GUCY1A2: variants seen among roughly 807,000 people sequenced by gnomAD.
GUCY1A2 encodes the protein guanylate cyclase 1 soluble subunit alpha 2.
A neutral mutation model predicts 63.5 loss-of-function variants in GUCY1A2; 27 were observed. The observed-to-expected ratio is 0.43, with a 90% CI of 0.31 to 0.59. GUCY1A2 has a LOEUF of 0.59. Among genes scored for constraint, GUCY1A2 ranks in the 20% least tolerant of loss-of-function variants. The probability of loss-of-function intolerance (pLI) is 0.11; values close to 1 mark genes in which losing one functional copy is unlikely to be tolerated. For missense variants in GUCY1A2, 768 were observed against 913.3 expected, an observed-to-expected ratio of 0.84 and a Z score of 2.05; for synonymous variants, 364 against 343.5, an observed-to-expected ratio of 1.06 and a Z score of -0.66.
At chr11:106,726,131 C>G (rs1164735331) in intron 6 of GUCY1A2, among the ~76,000 whole-genome samples, 1 of 152,134 alleles carries the variant, frequency 6.6e-6, no homozygotes, top group Non-Finnish European at 1.5e-5. Flanking sequence ...AAAAGCAGAT[C>G]AGGCTGGGCG....
At chr11:106,817,218 A>G (rs949544065) in intron 4 of GUCY1A2, among the ~76,000 whole-genome samples, 1 of 152,088 alleles carries the variant, frequency 6.6e-6, no homozygotes, top group Non-Finnish European at 1.5e-5. Context: ...TCTGGCCCAA[A>G]TTAAACAATC....
intron 4 of GUCY1A2, among the ~76,000 whole-genome samples, chr11:106,838,047 T>G (rs1591296935): frequency 1.3e-5 from 2 of 151,922 alleles, no homozygotes; most frequent in Admixed American, 6.6e-5. Context: ...TTTTCTCCAA[T>G]CCTGCTATGT....
chr11:106,970,984 T>A (rs776393490), intron 3 of GUCY1A2, among the ~76,000 whole-genome samples: 1 of 152,136 alleles, frequency 6.6e-6, no homozygotes, highest in Admixed American at 6.6e-5. Flanking sequence ...ATATACTATA[T>A]GATTACATTT....
At chr11:106,830,767 A>G (rs1434156605) in intron 4 of GUCY1A2, among the ~76,000 whole-genome samples, 1 of 152,164 alleles carries the variant, frequency 6.6e-6, no homozygotes, top group Non-Finnish European at 1.5e-5. Flanking sequence ...CATTTATCCT[A>G]TTAGTTCCGA....
intron 5 of GUCY1A2, among the ~76,000 whole-genome samples, chr11:106,801,535 A>G (rs916512433): frequency 2.6e-5 from 4 of 152,148 alleles, no homozygotes; most frequent in Non-Finnish European, 5.9e-5. Flanking sequence ...AACACTAGCT[A>G]TCTGACACAT....
In GUCY1A2 at chr11:106,880,355, G is replaced by A. The variant is rs559708972; in HGVS notation, c.1206+59105C>T. Among the ~76,000 whole-genome samples the A allele has an allele frequency of 9.2e-5, 14 of 152,106 alleles. No individual in the cohort carries two copies. The South Asian group carries it at 2.7e-3, about 29-fold the overall frequency. On this transcript the variant is annotated intron_variant, in intron 4 of 7. Coordinates refer to ENST00000526355, the MANE Select transcript of GUCY1A2 (RefSeq NM_000855.3). ...ATGGTTGCCACGTGAAGGTTGCCAA[G>A]GGGAGGGTGCTAAGTGAAGACTGCA...
intron 1 of GUCY1A2, among the ~76,000 whole-genome samples, chr11:106,996,169 A>G (rs1317835117): frequency 2.0e-5 from 3 of 152,210 alleles, no homozygotes; most frequent in Admixed American, 2.0e-4. Context: ...ATTGAGCAAT[A>G]GAAGCAACAT....
At chr11:106,799,128 CAGAG>C (rs1240815072) in intron 5 of GUCY1A2, among the ~76,000 whole-genome samples, 1 of 150,216 alleles carries the variant, frequency 6.7e-6, no homozygotes, top group African/African-American at 2.4e-5. Context: ...AACAGAAAAA[CAGAG>C]AGCTCCATTC....
At chr11:106,937,959 CAG>C (rs1860701304) in intron 4 of GUCY1A2, among the ~76,000 whole-genome samples, 1 of 151,660 alleles carries the variant, frequency 6.6e-6, no homozygotes, top group Non-Finnish European at 1.5e-5. Flanking sequence ...TTTTTTGAGA[CAG>C]AGTCTCACTC....
intron 6 of GUCY1A2, among the ~76,000 whole-genome samples, chr11:106,750,480 A>C (rs145315849): frequency 6.2e-4 from 94 of 152,192 alleles, no homozygotes; most frequent in African/African-American, 2.1e-3. Flanking sequence ...TAACCATCAC[A>C]ACAAAACAAA....
At chr11:106,970,582 A>G (rs1591348741) in intron 3 of GUCY1A2, among the ~76,000 whole-genome samples, 1 of 152,292 alleles carries the variant, frequency 6.6e-6, no homozygotes, top group African/African-American at 2.4e-5. Context: ...AATGGAAAAT[A>G]CCAATTTCTG....
rs890511589 is a variant in GUCY1A2, at chr11:106,683,546, C to T, written c.*4003G>A. ...TCAGGCCTGACTGTGTGTGGTCCTTCCTATCCGCCTGAATGAGGCACCAGC... is the reference window on the plus strand; with the variant it reads ...TCAGGCCTGACTGTGTGTGGTCCTTTCTATCCGCCTGAATGAGGCACCAGC... On this transcript the variant is annotated 3_prime_UTR_variant, in exon 8 of 8. Coordinates refer to ENST00000526355, the MANE Select transcript of GUCY1A2 (RefSeq NM_000855.3). 1.3e-5 allele frequency: 3 copies of T among 228,234 alleles called. No individual in the cohort carries two copies. The highest frequency in any genetic ancestry group is 2.6e-5 in the Non-Finnish European group (3 of 114,962). The allele number at this position is 228,234 out of a possible 1,614,324, so 14.1% of individuals were successfully genotyped here.
At chr11:106,717,392 G>A (rs1274178118) in intron 6 of GUCY1A2, among the ~76,000 whole-genome samples, 2 of 152,028 alleles carry the variant, frequency 1.3e-5, no homozygotes, top group Admixed American at 1.3e-4. Flanking sequence ...TATTTCTCAT[G>A]GTGTCAAGGA....
intron 3 of GUCY1A2, among the ~76,000 whole-genome samples, chr11:106,957,735 C>T (rs1861006168): frequency 1.3e-5 from 2 of 151,434 alleles, no homozygotes; most frequent in South Asian, 4.2e-4. Flanking sequence ...ATCTTGGCCC[C>T]GCCTCCAAAA....
chr11:106,799,493 T>C (rs9736183), intron 5 of GUCY1A2, among the ~76,000 whole-genome samples: 139,096 of 152,232 alleles, frequency 0.91, 63,626 homozygotes, highest in East Asian at 1. Context: ...TCAAACTATA[T>C]TACAAGGTGA....
rs567167669 is a variant in GUCY1A2 at position 106,842,352 on chromosome 11, C to T, written c.1207-31874G>A. 3.3e-5 allele frequency among the ~76,000 whole-genome samples: 5 copies of T among 152,048 alleles called. No homozygotes were observed. The East Asian group carries it at 9.7e-4, about 30-fold the overall frequency. On this transcript the variant is annotated intron_variant, in intron 4 of 7. Coordinates refer to ENST00000526355, the MANE Select transcript of GUCY1A2 (RefSeq NM_000855.3). ...CTCCCACTGAGTGTGGCATTAAGTT[C>T]CTGCTGGGGCCCTGACTGATATGCT... is the stretch of plus-strand genomic sequence containing the variant.
chr11:106,942,203 T>C (rs1343860325), intron 3 of GUCY1A2, among the ~76,000 whole-genome samples: 1 of 152,184 alleles, frequency 6.6e-6, no homozygotes, highest in Non-Finnish European at 1.5e-5. Flanking sequence ...TTAACCTTGT[T>C]TGCTGTTTTT....
At chr11:106,851,224 C>G (rs1202969293) in intron 4 of GUCY1A2, among the ~76,000 whole-genome samples, 1 of 150,980 alleles carries the variant, frequency 6.6e-6, no homozygotes, top group African/African-American at 2.4e-5. Flanking sequence ...GTTGATTTGT[C>G]TGAGTTCCTT....
At chr11:106,764,986 G>T (rs1189949295) in intron 6 of GUCY1A2, among the ~76,000 whole-genome samples, 1 of 81,856 alleles carries the variant, frequency 1.2e-5, no homozygotes, top group Non-Finnish European at 2.5e-5. Flanking sequence ...GGGGTTGGGG[G>T]GCAGGAATAA....
Sources: gnomAD v4.1 joint callset for allele counts (sites outside exome capture counted in the v4.1 genomes callset) on GRCh38, gnomAD v4.1.1 for gene constraint, MANE v1.5 for transcripts, NCBI Gene and HGNC (gene_info 2026-07-23, HGNC 2026-07-21) for gene names.